The following CADM1 variants were observed in gnomAD, a reference collection of about 807,000 sequenced individuals.
CADM1 encodes the protein cell adhesion molecule 1, also known as TSLC-1.
CADM1 carries 15 observed loss-of-function variants against 53.1 expected under a neutral mutation model. The ratio of observed to expected loss-of-function variants is 0.28; its 90% CI spans 0.19 to 0.44. The LOEUF is 0.44. CADM1 is among the 20% of genes least tolerant of loss of function. The pLI is 1.00. For missense variants in CADM1, 434 were observed against 611.3 expected, an observed-to-expected ratio of 0.71 and a Z score of 3.06; for synonymous variants, 281 against 243.0, an observed-to-expected ratio of 1.16 and a Z score of -1.45.
chr11:115,267,777 G>A (rs1194089312), intron 1 of CADM1, among the ~76,000 whole-genome samples: 1 of 145,202 alleles, frequency 6.9e-6, no homozygotes, highest in African/African-American at 2.6e-5. Context: ...AAAATATGAC[G>A]AATATAAGGC....
At chr11:115,312,730 A>G (rs941310996) in intron 1 of CADM1, among the ~76,000 whole-genome samples, 4 of 152,200 alleles carry the variant, frequency 2.6e-5, no homozygotes, top group East Asian at 1.9e-4. Context: ...CACCTAAAAC[A>G]TCAGATGACT....
chr11:115,294,894 C>T (rs1376041400), intron 1 of CADM1, among the ~76,000 whole-genome samples: 4 of 151,900 alleles, frequency 2.6e-5, no homozygotes, highest in East Asian at 1.9e-4. Context: ...AAAAATTAGC[C>T]GGGCATGGTG....
chr11:115,402,795 C>T (rs578146318), intron 1 of CADM1, among the ~76,000 whole-genome samples: 6 of 151,956 alleles, frequency 3.9e-5, no homozygotes, highest in Non-Finnish European at 7.4e-5. Context: ...TTGTATGTTA[C>T]TGGTGAGAAG....
chr11:115,355,612 T>C (rs1945846734), intron 1 of CADM1, among the ~76,000 whole-genome samples: 1 of 150,952 alleles, frequency 6.6e-6, no homozygotes, highest in South Asian at 2.1e-4. Flanking sequence ...CCTCTGACCC[T>C]AAAAAAAAGG....
At chr11:115,319,430 C>T (rs568677896) in intron 1 of CADM1, among the ~76,000 whole-genome samples, 6 of 152,274 alleles carry the variant, frequency 3.9e-5, no homozygotes, top group South Asian at 4.2e-4. Context: ...AAGCACCATA[C>T]GTGCCCTGGA....
intron 1 of CADM1, among the ~76,000 whole-genome samples, chr11:115,371,638 A>ATTTTTTT (rs11396249): frequency 7.4e-6 from 1 of 135,410 alleles, no homozygotes; most frequent in Admixed American, 7.6e-5. Flanking sequence ...GTCAGACTGG[A>ATTTTTTT]TTTTTTTTTT....
intron 1 of CADM1, among the ~76,000 whole-genome samples, chr11:115,443,772 C>CA (rs1473422442): frequency 6.6e-6 from 1 of 152,174 alleles, no homozygotes; most frequent in East Asian, 1.9e-4. Context: ...AAAGATAACT[C>CA]AGCCAAATAG....
intron 9 of CADM1, among the ~76,000 whole-genome samples, chr11:115,196,897 A>G (rs1412357700): frequency 6.6e-6 from 1 of 152,242 alleles, no homozygotes; most frequent in Non-Finnish European, 1.5e-5. Flanking sequence ...GATGAAATCT[A>G]CAAATAACTG....
intron 8 of CADM1, among the ~76,000 whole-genome samples, chr11:115,208,307 T>C (rs901840777): frequency 2.0e-5 from 3 of 152,108 alleles, no homozygotes; most frequent in African/African-American, 7.2e-5. Context: ...CTGTAATGGG[T>C]AGAAAAGTGA....
At chr11:115,479,772 GTGTTTA>G (rs1390132017) in intron 1 of CADM1, among the ~76,000 whole-genome samples, 3 of 152,156 alleles carry the variant, frequency 2.0e-5, no homozygotes, top group Non-Finnish European at 4.4e-5. Context: ...TACCAAATCT[GTGTTTA>G]TCCAAAAGAC....
At position 115,448,837 on chromosome 11, in the gene CADM1, T is replaced by C. The variant is rs1027264958; in HGVS notation, c.124+55434A>G. ...AGGTGTCATGTATTATTGGCACATATTGTGAAATAAAATTACTATAAAAAT... is the reference window on the plus strand; with the variant it reads ...AGGTGTCATGTATTATTGGCACATACTGTGAAATAAAATTACTATAAAAAT... On this transcript the variant is annotated intron_variant, in intron 1 of 11. Transcript: ENST00000331581. 1.7e-4 allele frequency among the ~76,000 whole-genome samples: 26 copies of C among 152,324 alleles called. 1 individual carries two copies. The highest frequency in any genetic ancestry group is 1.2e-3 in the Admixed American group (19 of 15,298).
At chr11:115,338,872 T>A (rs1157476532) in intron 1 of CADM1, among the ~76,000 whole-genome samples, 3 of 35,416 alleles carry the variant, frequency 8.5e-5, no homozygotes, top group East Asian at 8.1e-4. Context: ...TCTTTTATTT[T>A]TTTTATTTTT....
chr11:115,274,414 T>C (rs934552810), intron 1 of CADM1, among the ~76,000 whole-genome samples: 1 of 152,238 alleles, frequency 6.6e-6, no homozygotes, highest in Non-Finnish European at 1.5e-5. Flanking sequence ...CAGGGAGATT[T>C]GTCCCTTGAA....
intron 1 of CADM1, among the ~76,000 whole-genome samples, chr11:115,345,750 G>A (rs565552728): frequency 3.9e-5 from 6 of 152,130 alleles, no homozygotes; most frequent in Admixed American, 1.3e-4. Flanking sequence ...AGAGGCCAGT[G>A]GCTAGGGGGA....
intron 1 of CADM1, among the ~76,000 whole-genome samples, chr11:115,281,651 A>C (rs986028931): frequency 2.6e-5 from 4 of 152,180 alleles, no homozygotes; most frequent in African/African-American, 9.7e-5. Flanking sequence ...GTTTAAAATG[A>C]GTCTGCTAAA....
chr11:115,496,286 GGT>G (rs1448418593), intron 1 of CADM1, among the ~76,000 whole-genome samples: 1 of 152,136 alleles, frequency 6.6e-6, no homozygotes, highest in Admixed American at 6.5e-5. Flanking sequence ...GTAAAAGGAA[GGT>G]GTTTATTCTC....
At chr11:115,255,264 C>T (rs2134992558) in intron 1 of CADM1, among the ~76,000 whole-genome samples, 1 of 152,270 alleles carries the variant, frequency 6.6e-6, no homozygotes, top group East Asian at 1.9e-4. Context: ...GGGCAAAGGA[C>T]ACATACATTC....
At chr11:115,350,806 G>GA (rs1945713450) in intron 1 of CADM1, among the ~76,000 whole-genome samples, 1 of 150,978 alleles carries the variant, frequency 6.6e-6, no homozygotes, top group Non-Finnish European at 1.5e-5. Flanking sequence ...ACAAAAACAA[G>GA]AAAATCACAT....
At chr11:115,407,158 A>G (rs1947336988) in intron 1 of CADM1, among the ~76,000 whole-genome samples, 1 of 152,144 alleles carries the variant, frequency 6.6e-6, no homozygotes, top group Non-Finnish European at 1.5e-5. Context: ...TACTCTAGCC[A>G]TAGACATGCT....
Sources: gnomAD v4.1 joint callset for allele counts (sites outside exome capture counted in the v4.1 genomes callset) on GRCh38, gnomAD v4.1.1 for gene constraint, MANE v1.5 for transcripts, NCBI Gene and HGNC (gene_info 2026-07-23, HGNC 2026-07-21) for gene names.